Variants in FANCG observed in about 807,000 individuals in gnomAD.
FANCG encodes Fanconi anemia group G protein.
Under a neutral mutation model 73.3 loss-of-function variants are expected in FANCG, and 67 were observed. The ratio of observed to expected loss-of-function variants is 0.91; its 90% CI spans 0.75 to 1.12. FANCG has a LOEUF of 1.12. Ranked by LOEUF, FANCG falls within the 50% of genes most tolerant of loss-of-function variation. The probability of loss-of-function intolerance (pLI) is 0.00; values close to 1 mark genes in which losing one functional copy is unlikely to be tolerated. For missense variants in FANCG, 643 were observed against 735.6 expected, an observed-to-expected ratio of 0.87 and a Z score of 1.46; for synonymous variants, 297 against 311.6, an observed-to-expected ratio of 0.95 and a Z score of 0.49.
rs1468178822 is a variant in FANCG at position 35,079,421 on chromosome 9, G to A, written c.84+20C>T. On this transcript the variant is annotated intron_variant, in intron 1 of 13. Transcript: ENST00000378643. ...AGGGATCTTGAGGCTGCAAACCGAGGGTGCCAGCAACCGTGTTACCTTGGC... is the reference window on the plus strand; with the variant it reads ...AGGGATCTTGAGGCTGCAAACCGAGAGTGCCAGCAACCGTGTTACCTTGGC... The A allele has an allele frequency of 2.5e-6, 4 of 1,613,884 alleles. No homozygotes were observed. Among genetic ancestry groups the A allele is most frequent in the Middle Eastern group, 1.6e-4 (1 of 6,062 alleles).
chr9:35,078,501 T>C, intron 3 of FANCG, 104 bp downstream of exon 3: 1 of 1,558,216 alleles, frequency 6.4e-7, no homozygotes, highest in Non-Finnish European at 8.8e-7. Context: ...AGGGCACCTC[T>C]CTCCATGGAG....
At chr9:35,074,282 C>A (rs1386127562) in intron 13 of FANCG, 66 bp from the exon 14 acceptor site, 1 of 1,611,444 alleles carries the variant, frequency 6.2e-7, no homozygotes, top group Admixed American at 1.7e-5. Flanking sequence ...GCCATACCCC[C>A]GCTTTCAGTG....
chr9:35,076,073 G>C (rs555714281), intron 8 of FANCG, 45 bp from the exon 9 acceptor site: 1 of 1,540,172 alleles, frequency 6.5e-7, no homozygotes, highest in South Asian at 1.1e-5. Flanking sequence ...CCCTAGCAGG[G>C]AACCTGCAAG....
rs1829060679 is a variant in FANCG at position 35,075,265 on chromosome 9, A to G, written c.1480+14T>C. On this transcript the variant is annotated intron_variant, in intron 11 of 13. Coordinates refer to ENST00000378643, the MANE Select transcript of FANCG (RefSeq NM_004629.2). ...CTTCCAGGAGGTAAGAGGAAAACTG[A>G]AAGTTTAGATCACCTTGTTCTTTTT... The G allele has an allele frequency of 1.2e-6, 2 of 1,613,860 alleles. No homozygotes were observed. Among genetic ancestry groups the G allele is most frequent in the South Asian group, 1.1e-5 (1 of 91,078 alleles).
In FANCG at chr9:35,079,514, T is replaced by C; in HGVS notation, c.11A>G (p.Gln4Arg). Residue 4 changes from glutamine (Q) to arginine (R), a missense_variant, in exon 1 of 14, where the codon CAG becomes CGG. Gln to Arg is a conservative substitution (Grantham distance 43). Coordinates refer to ENST00000378643, the MANE Select transcript of FANCG (RefSeq NM_004629.2). ...GCAGCTGGAGCCCACAGAGGTGGTCTGGCGGGACATGGTGGCCGAGGCTGG... is the reference window on the plus strand; with the variant it reads ...GCAGCTGGAGCCCACAGAGGTGGTCCGGCGGGACATGGTGGCCGAGGCTGG... MSRQTTSVGSSCLD... is the reference protein window; with the variant it reads MSRRTTSVGSSCLD... 1.2e-6 allele frequency: 2 copies of C among 1,614,046 alleles called. No homozygotes were observed. Among genetic ancestry groups the C allele is most frequent in the Non-Finnish European group, 1.7e-6 (2 of 1,180,024 alleles).
Position 35,075,660 on chromosome 9 carries a change from G to A in FANCG, c.1238C>T (p.Ala413Val), listed in dbSNP as rs780502064. The part of the protein sequence containing the change: ...ALIQAGRAQD[A>V]LTLCEELLSR... ...GAGCAACTCCTCACATAGAGTCAAG[G>A]CATCTTGGGCTCTGCCTGCCTGGAT... Residue 413 changes from alanine (A) to valine (V), a missense_variant, in exon 10 of 14, where the codon GCC becomes GTC. By Grantham distance (64) the Ala-to-Val change is moderately conservative. Coordinates refer to ENST00000378643, the MANE Select transcript of FANCG (RefSeq NM_004629.2). The A allele has an allele frequency of 3.7e-6, 6 of 1,610,568 alleles. No homozygotes were observed. Among genetic ancestry groups the A allele is most frequent in the Non-Finnish European group, 5.1e-6 (6 of 1,178,828 alleles).
At position 35,079,560 on chromosome 9, in the gene FANCG, C is replaced by G; in HGVS notation, c.-36G>C. 1 of 1,609,432 alleles carries G rather than the reference C, an allele frequency of 6.2e-7. No individual in the cohort carries two copies. ...GCTGGGCCCGGAGACCAGAAGCGGA[C>G]TTAGGAAGGGTGAAGCTGGCCTGCC... On this transcript the variant is annotated 5_prime_UTR_variant, in exon 1 of 14. Coordinates refer to ENST00000378643, the MANE Select transcript of FANCG (RefSeq NM_004629.2).
chr9:35,079,094 G>A, intron 2 of FANCG, 57 bp downstream of exon 2: 1 of 1,434,426 alleles, frequency 7.0e-7, no homozygotes. Context: ...CGCAGGAGCG[G>A]ATGTTTCTCT....
At chr9:35,078,512 G>A in intron 3 of FANCG, 93 bp downstream of exon 3, 1 of 1,583,102 alleles carries the variant, frequency 6.3e-7, no homozygotes, top group Non-Finnish European at 8.7e-7. Context: ...CTCCATGGAG[G>A]TGACAGATGT....
chr9:35,074,682 C>A (rs1829048397), intron 12 of FANCG, 188 bp from the exon 13 acceptor site: 1 of 890,652 alleles, frequency 1.1e-6, no homozygotes. Flanking sequence ...TCCTGTGCAA[C>A]CCACAACAGC....
chr9:35,078,093 G>A, intron 4 of FANCG, 48 bp downstream of exon 4: 3 of 1,549,924 alleles, frequency 1.9e-6, no homozygotes, highest in South Asian at 2.2e-5. Flanking sequence ...GAGAAAGGAG[G>A]AGGAAGGAAG....
At chr9:35,076,648 C>G in intron 7 of FANCG, 65 bp from the exon 8 acceptor site, 2 of 1,613,852 alleles carry the variant, frequency 1.2e-6, no homozygotes, top group Middle Eastern at 3.3e-4. Context: ...ATACTTGGAT[C>G]TTGACTAGTC....
intron 8 of FANCG, 197 bp from the exon 9 acceptor site, chr9:35,076,225 CAG>C (rs530798342): frequency 1.3e-6 from 1 of 793,150 alleles, no homozygotes; most frequent in South Asian, 1.5e-5. Flanking sequence ...GAAGAGACTT[CAG>C]AGTGTCAAAG....
In FANCG at chr9:35,078,246, C is replaced by T. The variant is rs1251066873; in HGVS notation, c.405G>A (p.Leu135=). Residue 135 remains leucine, a synonymous_variant, in exon 4 of 14, where the codon CTG becomes CTA. Transcript: ENST00000378643. ...VLRASCLLPE[L]LSALHRLVGL... ...CAACCAGGCGGTGCAGGGCAGACAGCAGCTCCGGCAGAAGGCAGGAAGCAC... is the reference window on the plus strand; with the variant it reads ...CAACCAGGCGGTGCAGGGCAGACAGTAGCTCCGGCAGAAGGCAGGAAGCAC... The T allele has an allele frequency of 2.5e-6, 4 of 1,614,182 alleles. No individual in the cohort carries two copies. The highest frequency in any genetic ancestry group is 3.4e-6 in the Non-Finnish European group (4 of 1,180,034).
intron 4 of FANCG, 129 bp downstream of exon 4, chr9:35,078,012 G>C (rs2131058048): frequency 4.5e-6 from 4 of 884,622 alleles, no homozygotes; most frequent in Non-Finnish European, 7.6e-6. Context: ...AAGAGTCCCA[G>C]AGAGAATCCA....
Position 35,079,734 on chromosome 9 carries a change from G to T in FANCG, c.-210C>A. The T allele has an allele frequency of 1.6e-6, 1 of 610,680 alleles. No homozygotes were observed. The highest frequency in any genetic ancestry group is 2.8e-5 in the East Asian group (1 of 35,584). 37.8% of individuals were successfully genotyped at this position (610,680 alleles called of 1,614,324 possible). Reference sequence around the variant, plus strand: ...CGCGGCCCGCCGGGCTCTCAACCTCGCCTCTGGTTGGCCGGGTCTGCGAAG... The same window carrying T: ...CGCGGCCCGCCGGGCTCTCAACCTCTCCTCTGGTTGGCCGGGTCTGCGAAG... On this transcript the variant is annotated 5_prime_UTR_variant, in exon 1 of 14. Transcript: ENST00000378643.
rs1829062329 is a variant in FANCG, at chr9:35,075,344, C to T, written c.1434-19G>A. On this transcript the variant is annotated intron_variant, in intron 10 of 13. Transcript: ENST00000378643. ...GAGGCACCTGAAGTAGGACACAGAA[C>T]AGGGGTGAAGAGGAATCAATTTCAG... The T allele has an allele frequency of 1.9e-6, 3 of 1,614,082 alleles. No homozygotes were observed. The South Asian group carries it at 3.3e-5, about 18-fold the overall frequency.
Position 35,077,504 on chromosome 9 carries a change from C to T in FANCG, c.511-105G>A. The T allele has an allele frequency of 3.5e-6, 5 of 1,417,688 alleles. No homozygotes were observed. The Admixed American group carries it at 5.1e-5, about 14-fold the overall frequency. The allele number at this position is 1,417,688 out of a possible 1,614,324, so 87.8% of individuals were successfully genotyped here. A position where few individuals can be genotyped will look rare whatever the true frequency, so the allele number is the denominator to read the frequency against. ...CTTGAGCTCAAGGGTCCTCTTGATC[C>T]TTGAGGACACAGGCCTCAGCTACCC... On this transcript the variant is annotated intron_variant, in intron 4 of 13. Transcript: ENST00000378643.
In FANCG at chr9:35,074,073, T is replaced by TA; in HGVS notation, c.*34_*35insT. ...CCCTCCCCACAGAGAGACAGCCCAC[T>TA]GGGGACCCAGCTCAAGCTCTTCAAA... On this transcript the variant is annotated 3_prime_UTR_variant, in exon 14 of 14. Coordinates refer to ENST00000378643, the MANE Select transcript of FANCG (RefSeq NM_004629.2). 6.6e-7 allele frequency: 1 copy of TA among 1,519,830 alleles called. No homozygotes were observed. Among genetic ancestry groups the TA allele is most frequent in the Non-Finnish European group, 9.1e-7 (1 of 1,094,420 alleles). The allele number at this position is 1,519,830 out of a possible 1,614,324, so 94.1% of individuals were successfully genotyped here.
Sources: gnomAD v4.1 joint callset for allele counts on GRCh38, gnomAD v4.1.1 for gene constraint, MANE v1.5 for transcripts, NCBI Gene and HGNC (gene_info 2026-07-23, HGNC 2026-07-21) for gene names.